NOS1: variants seen among roughly 807,000 people sequenced by gnomAD.
NOS1 encodes NOS type I.
In NOS1, 51 loss-of-function variants were observed where a neutral mutation model predicts 164.5. The observed-to-expected ratio is 0.31, with a 90% CI of 0.25 to 0.39. The LOEUF is 0.39. Among genes scored for constraint, NOS1 ranks in the 10% least tolerant of loss-of-function variants. NOS1 has a pLI of 1.00. For missense variants in NOS1, 1,362 were observed against 1,885.6 expected (o/e 0.72, Z 5.14); for synonymous variants, 719 against 745.8 (o/e 0.96, Z 0.59).
At chr12:117,248,330 A>T (rs966101013) in intron 17 of NOS1, among the ~76,000 whole-genome samples, 1 of 151,450 alleles carries the variant, frequency 6.6e-6, no homozygotes, top group Non-Finnish European at 1.5e-5. Context: ...ATATCTCCCA[A>T]TGCTATCCCT....
chr12:117,248,238 C>T (rs1438700583), intron 17 of NOS1, among the ~76,000 whole-genome samples: 3 of 151,314 alleles, frequency 2.0e-5, no homozygotes, highest in Admixed American at 6.6e-5. Context: ...GGTACATGTG[C>T]ACCATGTGTA....
intron 1 of NOS1, among the ~76,000 whole-genome samples, chr12:117,346,753 C>T (rs980471511): frequency 2.0e-5 from 3 of 152,146 alleles, no homozygotes; most frequent in Non-Finnish European, 4.4e-5. Context: ...GTACGGTTTG[C>T]TTCTAAAGCC....
intron 3 of NOS1, among the ~76,000 whole-genome samples, chr12:117,304,680 G>T (rs554939855): frequency 6.6e-6 from 1 of 152,164 alleles, no homozygotes; most frequent in Non-Finnish European, 1.5e-5. Flanking sequence ...TACACACAAC[G>T]CACTCTGTGA....
chr12:117,355,554 A>C (rs1358603721), intron 1 of NOS1, among the ~76,000 whole-genome samples: 1 of 152,096 alleles, frequency 6.6e-6, no homozygotes, highest in Non-Finnish European at 1.5e-5. Context: ...AAAACCCAAC[A>C]AAACAATGCC....
At position 117,214,790 on chromosome 12, in the gene NOS1, G is replaced by A. The variant is rs922783434; in HGVS notation, c.*519C>T. The A allele has an allele frequency of 2.2e-5, 22 of 984,988 alleles. No individual in the cohort carries two copies. Among genetic ancestry groups the A allele is most frequent in the African/African-American group, 1.8e-5 (1 of 56,940 alleles). The allele number at this position is 984,988 out of a possible 1,614,324, so 61.0% of individuals were successfully genotyped here. A position where few individuals can be genotyped will look rare whatever the true frequency, so the allele number is the denominator to read the frequency against. ...ATGAAAGCAGTGGCAATCTAAGATC[G>A]ACACACTTGTGCAGGGAAGAGGACG... On this transcript the variant is annotated 3_prime_UTR_variant, in exon 29 of 29. Transcript: ENST00000317775.
chr12:117,256,170 C>G (rs535121531), intron 16 of NOS1: 3 of 447,708 alleles, frequency 6.7e-6, no homozygotes, highest in African/African-American at 6.1e-5. Flanking sequence ...TGGAGTTGGG[C>G]GTAGAACGAG....
At chr12:117,215,381 C>T in intron 28 of NOS1, 57 bp from the exon 29 acceptor site, 4 of 1,455,606 alleles carry the variant, frequency 2.7e-6, no homozygotes, top group Non-Finnish European at 3.6e-6. Flanking sequence ...CTGCTGTTTC[C>T]TCTGAGTGCC....
At chr12:117,244,770 A>C (rs985784168) in intron 18 of NOS1, among the ~76,000 whole-genome samples, 1 of 152,210 alleles carries the variant, frequency 6.6e-6, no homozygotes, top group African/African-American at 2.4e-5. Context: ...AACCTTGAAA[A>C]CATTATACTA....
intron 1 of NOS1, among the ~76,000 whole-genome samples, chr12:117,335,100 T>C (rs562626504): frequency 2.0e-5 from 3 of 152,316 alleles, no homozygotes; most frequent in East Asian, 1.9e-4. Flanking sequence ...TGTCATACAG[T>C]AGTGAGAACT....
At chr12:117,333,535 G>A (rs1259571327) in intron 1 of NOS1, among the ~76,000 whole-genome samples, 2 of 152,170 alleles carry the variant, frequency 1.3e-5, no homozygotes, top group African/African-American at 2.4e-5. Flanking sequence ...CTCAATGGGG[G>A]GGTGTGTGGG....
At chr12:117,303,309 A>G (rs1873947992) in intron 3 of NOS1, among the ~76,000 whole-genome samples, 1 of 152,090 alleles carries the variant, frequency 6.6e-6, no homozygotes, top group Non-Finnish European at 1.5e-5. Context: ...CACCTTTCTC[A>G]TAATTTAGAG....
chr12:117,311,219 A>G (rs1441548080), intron 3 of NOS1, among the ~76,000 whole-genome samples: 1 of 141,376 alleles, frequency 7.1e-6, no homozygotes, highest in Non-Finnish European at 1.5e-5. Flanking sequence ...CCTTTCCCAG[A>G]AGAAACAGAA....
In NOS1 at chr12:117,208,357, T is replaced by G. The variant is rs1474032409; in HGVS notation, c.*6952A>C. ...GGCAGAGATTAGCAGCATTGAGAGCTCAGAGGTAGGGGGGACGGCCGAGTT... is the reference window on the plus strand; with the variant it reads ...GGCAGAGATTAGCAGCATTGAGAGCGCAGAGGTAGGGGGGACGGCCGAGTT... On this transcript the variant is annotated 3_prime_UTR_variant, in exon 29 of 29. Transcript: ENST00000317775. The G allele has an allele frequency of 4.7e-6, 6 of 1,281,340 alleles. No individual in the cohort carries two copies. In the African/African-American group the frequency reaches 9.6e-5, roughly 21 times the overall value. The allele number at this position is 1,281,340 out of a possible 1,614,324, so 79.4% of individuals were successfully genotyped here. A position where few individuals can be genotyped will look rare whatever the true frequency, so the allele number is the denominator to read the frequency against.
intron 2 of NOS1, among the ~76,000 whole-genome samples, chr12:117,312,191 G>T (rs532286468): frequency 3.3e-5 from 5 of 152,168 alleles, no homozygotes; most frequent in African/African-American, 1.2e-4. Context: ...TTTATTAAAC[G>T]CTTACTATGT....
intron 26 of NOS1, 121 bp downstream of exon 26, chr12:117,222,594 A>C: frequency 1.1e-6 from 1 of 910,996 alleles, no homozygotes; most frequent in Non-Finnish European, 1.7e-6. Flanking sequence ...TGAAGTACAG[A>C]GCAACTTCAT....
chr12:117,360,879 GC>G (rs1323878658), intron 1 of NOS1, among the ~76,000 whole-genome samples: 5 of 152,186 alleles, frequency 3.3e-5, no homozygotes, highest in African/African-American at 9.6e-5. Flanking sequence ...TACCGCCAGC[GC>G]ACAGCTCGGA....
At chr12:117,268,745 AC>A (rs1180164081) in intron 10 of NOS1, among the ~76,000 whole-genome samples, 1 of 150,288 alleles carries the variant, frequency 6.7e-6, no homozygotes, top group African/African-American at 2.4e-5. Context: ...GGCCGCCACC[AC>A]GCCGGGCTAA....
intron 3 of NOS1, among the ~76,000 whole-genome samples, chr12:117,291,139 G>A (rs1162636258): frequency 6.6e-6 from 1 of 152,096 alleles, no homozygotes; most frequent in African/African-American, 2.4e-5. Flanking sequence ...ACTTGAACCC[G>A]AGAGGCAGAG....
At chr12:117,267,787 A>G (rs1872528952) in intron 11 of NOS1, among the ~76,000 whole-genome samples, 1 of 152,102 alleles carries the variant, frequency 6.6e-6, no homozygotes. Flanking sequence ...TTTGAATTCT[A>G]AAGAACTCTA....
Sources: gnomAD v4.1 joint callset for allele counts (sites outside exome capture counted in the v4.1 genomes callset) on GRCh38, gnomAD v4.1.1 for gene constraint, MANE v1.5 for transcripts, NCBI Gene and HGNC (gene_info 2026-07-23, HGNC 2026-07-21) for gene names.